Variants in SIRT5 observed in about 807,000 individuals in gnomAD.
SIRT5 encodes sirtuin 5.
A neutral mutation model predicts 40.0 loss-of-function variants in SIRT5; 26 were observed. That is an observed-to-expected ratio of 0.65 (90% CI 0.48 to 0.90). SIRT5 has a LOEUF of 0.90. Among genes scored for constraint, SIRT5 ranks in the 40% least tolerant of loss-of-function variants. SIRT5 has a pLI of 0.00. For synonymous variants in SIRT5, 146 were observed against 149.1 expected, an observed-to-expected ratio of 0.98 and a Z score of 0.15; for missense variants, 401 against 402.4, an observed-to-expected ratio of 1.00 and a Z score of 0.03.
intron 9 of SIRT5, among the ~76,000 whole-genome samples, chr6:13,606,930 C>T (rs1763191891): frequency 6.6e-6 from 1 of 152,010 alleles, no homozygotes; most frequent in East Asian, 1.9e-4. Flanking sequence ...GATCCACCTG[C>T]CTTAGCCTCC....
intron 9 of SIRT5, among the ~76,000 whole-genome samples, chr6:13,611,275 A>G (rs949232747): frequency 3.4e-5 from 5 of 148,532 alleles, no homozygotes; most frequent in Non-Finnish European, 7.4e-5. Flanking sequence ...ATACACACAC[A>G]TATATACACA....
chr6:13,590,381 T>C (rs897603733), intron 4 of SIRT5, among the ~76,000 whole-genome samples: 4 of 152,198 alleles, frequency 2.6e-5, no homozygotes, highest in Non-Finnish European at 4.4e-5. Flanking sequence ...GTGTATGTAT[T>C]TTATCTATTC....
Position 13,604,512 on chromosome 6 carries a change from G to A in SIRT5, c.857+3563G>A, listed in dbSNP as rs773787156. The A allele has an allele frequency of 8.2e-6, 13 of 1,577,216 alleles. No individual in the cohort carries two copies. In the African/African-American group the frequency reaches 1.4e-4, roughly 17 times the overall value. The stretch of plus-strand genomic sequence containing the variant: ...CCATCTCATCTCTAATTATTATAAA[G>A]AATTAAAACAAGTCATCATTGTAGA... On this transcript the variant is annotated intron_variant, in intron 9 of 9. Transcript: ENST00000606117.
intron 9 of SIRT5, among the ~76,000 whole-genome samples, chr6:13,601,838 TA>T (rs1020985359): frequency 3.0e-3 from 429 of 142,224 alleles, no homozygotes; most frequent in Middle Eastern, 7.2e-3. Flanking sequence ...TGCTGGGATT[TA>T]AAAAAAAAAA....
At chr6:13,588,197 A>G (rs1760328747) in intron 3 of SIRT5, 134 bp from the exon 4 acceptor site, 6 of 1,130,844 alleles carry the variant, frequency 5.3e-6, no homozygotes, top group Non-Finnish European at 7.4e-6. Context: ...TGGTGTTTTC[A>G]TGGTACAGGA....
At position 13,598,595 on chromosome 6, in the gene SIRT5, C is replaced by T. The variant is rs190698337; in HGVS notation, c.618-437C>T. ...CTGTAATCCCAGCACTTTGGGAGGC[C>T]GAGGAGGGCAGATCACCTGAGGTCA... On this transcript the variant is annotated intron_variant, in intron 7 of 9. Transcript: ENST00000606117. 4.7e-3 allele frequency among the ~76,000 whole-genome samples: 715 copies of T among 152,026 alleles called. 3 individuals carry two copies. The highest frequency in any genetic ancestry group is 0.016 in the African/African-American group (680 of 41,466).
At chr6:13,601,028 C>T in intron 9 of SIRT5, 79 bp downstream of exon 9, 2 of 1,071,068 alleles carry the variant, frequency 1.9e-6, no homozygotes, top group Admixed American at 2.5e-5. Context: ...TTGACCTACT[C>T]CTCTAATTTT....
At chr6:13,599,730 G>A (rs1346437221) in intron 8 of SIRT5, among the ~76,000 whole-genome samples, 1 of 152,230 alleles carries the variant, frequency 6.6e-6, no homozygotes, top group Admixed American at 6.5e-5. Context: ...ACAAGTGGCA[G>A]AGTTGAGTAC....
chr6:13,582,176 A>G (rs554416728), intron 2 of SIRT5, among the ~76,000 whole-genome samples: 1 of 152,340 alleles, frequency 6.6e-6, no homozygotes, highest in South Asian at 2.1e-4. Flanking sequence ...CAAACAATAT[A>G]TAAACACATA....
At chr6:13,580,880 C>T (rs536177997) in intron 2 of SIRT5, among the ~76,000 whole-genome samples, 69 of 152,256 alleles carry the variant, frequency 4.5e-4, no homozygotes, top group Admixed American at 9.8e-4. Context: ...AGGCTGGTCT[C>T]GAACTCCTGG....
chr6:13,611,169 A>C (rs1217780074), intron 9 of SIRT5, among the ~76,000 whole-genome samples: 1 of 143,286 alleles, frequency 7.0e-6, no homozygotes, highest in African/African-American at 2.6e-5. Context: ...TCTCAGTACT[A>C]CCTGTGAATG....
intron 4 of SIRT5, 30 bp downstream of exon 4, chr6:13,588,494 C>T (rs1443701691): frequency 6.2e-7 from 1 of 1,603,670 alleles, no homozygotes; most frequent in South Asian, 1.1e-5. Context: ...CATTAAAAGC[C>T]TCTGTCGAAT....
At chr6:13,592,700 C>G (rs1761086358) in intron 5 of SIRT5, among the ~76,000 whole-genome samples, 1 of 152,190 alleles carries the variant, frequency 6.6e-6, no homozygotes, top group Non-Finnish European at 1.5e-5. Context: ...GCTCCTTCCT[C>G]TGTCCTGGGT....
At chr6:13,588,776 A>G (rs780956666) in intron 4 of SIRT5, among the ~76,000 whole-genome samples, 7 of 152,220 alleles carry the variant, frequency 4.6e-5, no homozygotes, top group Non-Finnish European at 1.0e-4. Flanking sequence ...TTCTAAAATT[A>G]TTGAACTCAA....
chr6:13,595,469 T>C lies in SIRT5; in HGVS notation c.476-8T>C. The C allele has an allele frequency of 5.6e-6, 9 of 1,609,924 alleles. No homozygotes were observed. Among genetic ancestry groups the C allele is most frequent in the Non-Finnish European group, 7.7e-6 (9 of 1,176,172 alleles). ...AAATTCTGGATTTGCTTCATATGTA[T>C]TTTTCAGGTAGCTTATTTAAAACTC... is the stretch of plus-strand genomic sequence containing the variant. On this transcript the variant is annotated splice_polypyrimidine_tract_variant and splice_region_variant and intron_variant, in intron 5 of 9. Transcript: ENST00000606117.
chr6:13,611,479 A>G (rs947597403), intron 9 of SIRT5, among the ~76,000 whole-genome samples: 2 of 152,050 alleles, frequency 1.3e-5, no homozygotes, highest in African/African-American at 4.8e-5. Flanking sequence ...ATTTGAAAAA[A>G]ACAAACAGAA....
chr6:13,586,982 G>A (rs1209610971), intron 3 of SIRT5, among the ~76,000 whole-genome samples: 4 of 152,118 alleles, frequency 2.6e-5, no homozygotes, highest in Non-Finnish European at 5.9e-5. Context: ...CATCTGTCAG[G>A]GGAGGGTTAG....
chr6:13,585,477 G>A (rs1382948951), intron 3 of SIRT5, among the ~76,000 whole-genome samples: 2 of 151,690 alleles, frequency 1.3e-5, no homozygotes. Flanking sequence ...CCACTTATGA[G>A]TGAGAACGTG....
intron 2 of SIRT5, among the ~76,000 whole-genome samples, chr6:13,582,977 G>A (rs1350453984): frequency 6.6e-6 from 1 of 152,142 alleles, no homozygotes; most frequent in Non-Finnish European, 1.5e-5. Flanking sequence ...AGGCCTAGGT[G>A]GGTGGATGGC....
Sources: gnomAD v4.1 joint callset for allele counts (sites outside exome capture counted in the v4.1 genomes callset) on GRCh38, gnomAD v4.1.1 for gene constraint, MANE v1.5 for transcripts, NCBI Gene and HGNC (gene_info 2026-07-23, HGNC 2026-07-21) for gene names.